The following MRC1 variants were observed in gnomAD, a reference collection of about 807,000 sequenced individuals.
MRC1 encodes the protein mannose receptor C-type 1, also known as macrophage mannose receptor 1.
MRC1 carries 62 observed loss-of-function variants against 102.9 expected under a neutral mutation model. The ratio of observed to expected loss-of-function variants is 0.60; its 90% confidence interval spans 0.49 to 0.74. MRC1 has a LOEUF of 0.74. Ranked by LOEUF, MRC1 falls within the 30% of genes least tolerant of loss-of-function variation. The pLI is 0.00. For synonymous variants in MRC1, 457 were observed against 298.4 expected, an observed-to-expected ratio of 1.53 and a Z score of -5.48; for missense variants, 1,237 against 862.8, an observed-to-expected ratio of 1.43 and a Z score of -5.43.
At position 17,845,427 on chromosome 10, in the gene MRC1, T is replaced by C. The variant is rs1838811799; in HGVS notation, c.1055T>C (p.Ile352Thr). ...AACACCACTTTAAATTCTTTTGTTA[T>C]TCCCTCAGGTAAGTGATCTATGGGA... Reference protein sequence around the residue: ...KGNTTLNSFVIPSESDVPTHC... With the variant: ...KGNTTLNSFVTPSESDVPTHC... Residue 352 changes from isoleucine to threonine, a missense_variant, in exon 6 of 30, where the codon ATT (isoleucine) becomes ACT (threonine). Coordinates refer to ENST00000569591, the MANE Select transcript of MRC1 (RefSeq NM_002438.4). The C allele has an allele frequency of 1.3e-6, 1 of 780,896 alleles. No individual in the cohort carries two copies. Among genetic ancestry groups the C allele is most frequent in the Non-Finnish European group, 2.4e-6 (1 of 417,948 alleles). 48.4% of individuals were successfully genotyped at this position (780,896 alleles called of 1,614,324 possible).
intron 1 of MRC1, among the ~76,000 whole-genome samples, chr10:17,812,385 G>T (rs1447536504): frequency 4.6e-5 from 7 of 152,100 alleles, no homozygotes; most frequent in African/African-American, 1.7e-4. Context: ...TGGCTCACAG[G>T]TAGTGGTGTA....
intron 29 of MRC1, among the ~76,000 whole-genome samples, 171 bp downstream of exon 29, chr10:17,909,518 G>A (rs1833941111): frequency 1.3e-5 from 2 of 152,004 alleles, no homozygotes; most frequent in South Asian, 4.1e-4. Context: ...AGAAAAAGAG[G>A]CCTTGGAGTC....
intron 22 of MRC1, among the ~76,000 whole-genome samples, chr10:17,891,948 C>A (rs1482561016): frequency 6.6e-6 from 1 of 152,100 alleles, no homozygotes; most frequent in East Asian, 1.9e-4. Context: ...GGAATCTGTG[C>A]TGTGACCTTC....
chr10:17,840,790 T>C lies in MRC1; in HGVS notation c.900T>C (p.Tyr300=). The part of the protein sequence containing the change: ...WQWSDRSPFR[Y]LNWLPGSPSA... ...GGAGTGACCGCAGTCCTTTCCGATA[T>C]TTGAACTGGTTACCAGGTAGGGTTA... The change falls in exon 5 of 30, where the codon TAT becomes TAC. Residue 300 remains tyrosine (Y), a synonymous_variant. Transcript: ENST00000569591. 1 of 780,838 alleles carries C rather than the reference T, an allele frequency of 1.3e-6. No individual in the cohort carries two copies. Among genetic ancestry groups the C allele is most frequent in the Non-Finnish European group, 2.4e-6 (1 of 417,938 alleles). 48.4% of individuals were successfully genotyped at this position (780,838 alleles called of 1,614,324 possible).
At chr10:17,880,453 A>C (rs1416349513) in intron 19 of MRC1, 72 bp from the exon 20 acceptor site, 2 of 763,450 alleles carry the variant, frequency 2.6e-6, no homozygotes, top group African/African-American at 3.5e-5. Flanking sequence ...GTAAAATAGA[A>C]ATATATTTTT....
At chr10:17,845,672 A>G (rs1838816141) in intron 6 of MRC1, among the ~76,000 whole-genome samples, 1 of 152,114 alleles carries the variant, frequency 6.6e-6, no homozygotes, top group South Asian at 2.1e-4. Context: ...TACCTTCCCA[A>G]TCAGTCCTCT....
At chr10:17,909,450 G>T in intron 29 of MRC1, 103 bp downstream of exon 29, 2 of 746,608 alleles carry the variant, frequency 2.7e-6, no homozygotes, top group South Asian at 3.0e-5. Context: ...TGCTCTCTCA[G>T]TAGAATTTGC....
intron 18 of MRC1, among the ~76,000 whole-genome samples, chr10:17,878,794 C>T (rs915276099): frequency 0.028 from 4,251 of 152,134 alleles, 181 homozygotes; most frequent in African/African-American, 0.097. Context: ...TCCCAAGTAG[C>T]TGGGATGACG....
At chr10:17,841,440 T>C (rs1425312047) in intron 5 of MRC1, among the ~76,000 whole-genome samples, 2 of 152,222 alleles carry the variant, frequency 1.3e-5, no homozygotes, top group African/African-American at 4.8e-5. Context: ...GCATAAAAAT[T>C]CATTAGAGGT....
intron 17 of MRC1, among the ~76,000 whole-genome samples, chr10:17,875,631 T>C (rs1833425919): frequency 6.6e-6 from 1 of 152,230 alleles, no homozygotes; most frequent in Non-Finnish European, 1.5e-5. Context: ...TTCCATGGTA[T>C]GTCTATACCA....
intron 11 of MRC1, among the ~76,000 whole-genome samples, chr10:17,864,530 C>A (rs931016270): frequency 2.6e-5 from 4 of 151,950 alleles, no homozygotes; most frequent in African/African-American, 9.7e-5. Flanking sequence ...TCAGTATCTT[C>A]ATTTAAAAGA....
chr10:17,823,501 C>T (rs1838428564), intron 2 of MRC1, 26 bp downstream of exon 2: 4 of 780,088 alleles, frequency 5.1e-6, no homozygotes, highest in Non-Finnish European at 7.2e-6. Flanking sequence ...TTTTCACCTT[C>T]GTGTTGAAAT....
intron 1 of MRC1, 42 bp from the exon 2 acceptor site, chr10:17,823,032 C>T (rs893366973): frequency 1.4e-5 from 11 of 778,972 alleles, no homozygotes; most frequent in Admixed American, 1.0e-4. Context: ...CTTAGCCATG[C>T]TTGCTTTCTT....
At chr10:17,860,327 A>G (rs940500840) in intron 9 of MRC1, among the ~76,000 whole-genome samples, 28 of 145,716 alleles carry the variant, frequency 1.9e-4, no homozygotes, top group Admixed American at 1.3e-3. Context: ...GCTCGAGTGT[A>G]GTGGTGTGAT....
intron 4 of MRC1, among the ~76,000 whole-genome samples, chr10:17,834,952 T>G (rs1158990387): frequency 6.6e-6 from 1 of 152,208 alleles, no homozygotes; most frequent in Non-Finnish European, 1.5e-5. Flanking sequence ...TCTGCTCCTA[T>G]GACTGCCATG....
intron 1 of MRC1, among the ~76,000 whole-genome samples, chr10:17,813,693 TA>T (rs1838261393): frequency 9.9e-6 from 1 of 100,838 alleles, no homozygotes; most frequent in South Asian, 3.5e-4. Flanking sequence ...TATATATATA[TA>T]TATATATTTT....
chr10:17,838,805 C>G (rs960291075), intron 4 of MRC1, among the ~76,000 whole-genome samples: 1 of 152,088 alleles, frequency 6.6e-6, no homozygotes, highest in Non-Finnish European at 1.5e-5. Context: ...AAGACCCCAA[C>G]TGTACAAAAA....
intron 12 of MRC1, among the ~76,000 whole-genome samples, chr10:17,867,185 T>G (rs1833282715): frequency 1.4e-5 from 2 of 146,512 alleles, no homozygotes; most frequent in African/African-American, 5.0e-5. Flanking sequence ...TTTCCATCTT[T>G]TCTCCCTTCC....
chr10:17,907,193 T>TA (rs1198689121), intron 27 of MRC1, among the ~76,000 whole-genome samples, 194 bp downstream of exon 27: 5 of 152,220 alleles, frequency 3.3e-5, no homozygotes, highest in Non-Finnish European at 5.9e-5. Context: ...AGTTGCTAAT[T>TA]AAAAAATATC....
Sources: gnomAD v4.1 joint callset for allele counts (sites outside exome capture counted in the v4.1 genomes callset) on GRCh38, gnomAD v4.1.1 for gene constraint, MANE v1.5 for transcripts, NCBI Gene and HGNC (gene_info 2026-07-23, HGNC 2026-07-21) for gene names.